GSG1L: variants seen among roughly 807,000 people sequenced by gnomAD.
GSG1L encodes germ cell-specific gene 1-like protein.
In GSG1L, 24 loss-of-function variants were observed where a neutral mutation model predicts 42.1. The ratio of observed to expected loss-of-function variants is 0.57; its 90% CI spans 0.41 to 0.80. The LOEUF is 0.80. Among genes scored for constraint, GSG1L ranks in the 30% least tolerant of loss-of-function variants. The probability of loss-of-function intolerance (pLI) is 0.00; values close to 1 mark genes in which losing one functional copy is unlikely to be tolerated. For missense variants in GSG1L, 445 were observed against 472.2 expected, an observed-to-expected ratio of 0.94 and a Z score of 0.53; for synonymous variants, 215 against 203.5, an observed-to-expected ratio of 1.06 and a Z score of -0.48.
At chr16:27,863,065 T>C (rs2083673166) in intron 3 of GSG1L, among the ~76,000 whole-genome samples, 1 of 152,184 alleles carries the variant, frequency 6.6e-6, no homozygotes, top group Admixed American at 6.5e-5. Context: ...ATGTTAAAAA[T>C]CTCTATCACT....
intron 1 of GSG1L, among the ~76,000 whole-genome samples, chr16:28,037,766 T>G (rs914882411): frequency 6.6e-6 from 1 of 152,246 alleles, no homozygotes; most frequent in Non-Finnish European, 1.5e-5. Context: ...TCTCACATGT[T>G]GCTGGACTCA....
intron 1 of GSG1L, among the ~76,000 whole-genome samples, chr16:28,050,780 T>A (rs1462762687): frequency 1.3e-5 from 2 of 152,170 alleles, no homozygotes; most frequent in African/African-American, 4.8e-5. Context: ...TCCCCTGAGT[T>A]CCAGGGGTCA....
At chr16:27,812,822 T>C (rs890706893) in intron 5 of GSG1L, among the ~76,000 whole-genome samples, 2 of 152,192 alleles carry the variant, frequency 1.3e-5, no homozygotes, top group South Asian at 2.1e-4. Flanking sequence ...AGAGTCTTAC[T>C]CTCTCACCCA....
At chr16:28,032,881 C>A (rs993898291) in intron 1 of GSG1L, among the ~76,000 whole-genome samples, 4 of 152,182 alleles carry the variant, frequency 2.6e-5, no homozygotes, top group East Asian at 1.9e-4. Flanking sequence ...CCTGGCCCCC[C>A]ACCTGTTAAC....
At chr16:28,008,902 A>G (rs1030886902) in intron 1 of GSG1L, among the ~76,000 whole-genome samples, 4 of 151,962 alleles carry the variant, frequency 2.6e-5, no homozygotes, top group African/African-American at 9.7e-5. Context: ...TCTGCCTCCC[A>G]GGTTAAAGCA....
At chr16:27,958,429 A>AT (rs1312321460) in intron 2 of GSG1L, among the ~76,000 whole-genome samples, 1 of 147,404 alleles carries the variant, frequency 6.8e-6, no homozygotes, top group Non-Finnish European at 1.5e-5. Flanking sequence ...AAAAAAAAAG[A>AT]AAAGAAAACT....
chr16:27,980,637 C>G (rs1372420151), intron 1 of GSG1L, among the ~76,000 whole-genome samples: 1 of 152,098 alleles, frequency 6.6e-6, no homozygotes, highest in African/African-American at 2.4e-5. Flanking sequence ...AATCTCAGCA[C>G]TCTGGGAGGC....
intron 4 of GSG1L, among the ~76,000 whole-genome samples, chr16:27,837,442 G>A (rs2083333375): frequency 6.6e-6 from 1 of 152,122 alleles, no homozygotes; most frequent in East Asian, 1.9e-4. Flanking sequence ...GGTGAGGGTG[G>A]GGGTGGGAGT....
chr16:27,953,846 T>A (rs2084977052), intron 2 of GSG1L, among the ~76,000 whole-genome samples: 1 of 152,054 alleles, frequency 6.6e-6, no homozygotes, highest in South Asian at 2.1e-4. Context: ...ACCACCGCAC[T>A]CCAGCCTAGG....
At chr16:27,988,315 G>A (rs1276790214) in intron 1 of GSG1L, among the ~76,000 whole-genome samples, 2 of 151,938 alleles carry the variant, frequency 1.3e-5, no homozygotes, top group Non-Finnish European at 2.9e-5. Flanking sequence ...AGATATAAGA[G>A]AAACAATTCT....
At chr16:27,847,573 C>G (rs778805682) in intron 3 of GSG1L, among the ~76,000 whole-genome samples, 7 of 152,196 alleles carry the variant, frequency 4.6e-5, no homozygotes, top group African/African-American at 7.2e-5. Flanking sequence ...AAGAGAGAGC[C>G]GAGCTTCCAG....
chr16:27,826,300 G>A (rs2140963356), intron 5 of GSG1L, among the ~76,000 whole-genome samples: 1 of 152,244 alleles, frequency 6.6e-6, no homozygotes, highest in Admixed American at 6.5e-5. Flanking sequence ...GCGCTGCCAT[G>A]CTTCTCTTCT....
chr16:27,966,695 A>G (rs2085138457), intron 1 of GSG1L, among the ~76,000 whole-genome samples: 1 of 152,166 alleles, frequency 6.6e-6, no homozygotes. Context: ...GCACTGAGCA[A>G]ATCATGGCCC....
At chr16:27,940,118 G>T (rs1345378238) in intron 2 of GSG1L, among the ~76,000 whole-genome samples, 1 of 152,072 alleles carries the variant, frequency 6.6e-6, no homozygotes, top group Non-Finnish European at 1.5e-5. Flanking sequence ...ATCATCACTG[G>T]CCATCAGAGA....
chr16:28,025,604 C>T (rs1404167829), intron 1 of GSG1L, among the ~76,000 whole-genome samples: 1 of 152,244 alleles, frequency 6.6e-6, no homozygotes, highest in African/African-American at 2.4e-5. Flanking sequence ...TCTGTCACCC[C>T]TGCCTGCCCC....
At chr16:27,835,375 CCTAT>C (rs1326560800) in intron 4 of GSG1L, among the ~76,000 whole-genome samples, 3 of 152,096 alleles carry the variant, frequency 2.0e-5, no homozygotes, top group African/African-American at 7.2e-5. Flanking sequence ...TTACTTCCAG[CCTAT>C]CTATCTCCTC....
intron 4 of GSG1L, among the ~76,000 whole-genome samples, chr16:27,833,996 G>A (rs1184187099): frequency 6.6e-6 from 1 of 152,048 alleles, no homozygotes; most frequent in Non-Finnish European, 1.5e-5. Flanking sequence ...CCAGCACTAT[G>A]TTGAATAATA....
chr16:28,041,975 C>G (rs974716729), intron 1 of GSG1L, among the ~76,000 whole-genome samples: 7 of 152,282 alleles, frequency 4.6e-5, no homozygotes, highest in South Asian at 2.1e-4. Context: ...TGGGCAAAGA[C>G]GTGGAGAAAC....
intron 1 of GSG1L, among the ~76,000 whole-genome samples, chr16:28,043,277 G>A (rs1008498569): frequency 3.9e-5 from 6 of 152,306 alleles, no homozygotes; most frequent in Middle Eastern, 3.4e-3. Context: ...AAGCAAGGAC[G>A]AGATCTCTCA....
Sources: gnomAD v4.1 joint callset for allele counts (sites outside exome capture counted in the v4.1 genomes callset) on GRCh38, gnomAD v4.1.1 for gene constraint, MANE v1.5 for transcripts, NCBI Gene and HGNC (gene_info 2026-07-23, HGNC 2026-07-21) for gene names.